STAG1: variants seen among roughly 807,000 people sequenced by gnomAD.
The protein encoded by STAG1 is cohesin subunit SA-1.
STAG1 carries 26 observed loss-of-function variants against 170.9 expected under a neutral mutation model. That is an observed-to-expected ratio of 0.15 (90% CI 0.11 to 0.21). The LOEUF is 0.21. Among genes scored for constraint, STAG1 ranks in the 10% least tolerant of loss-of-function variants. The probability of loss-of-function intolerance (pLI) is 1.00; values close to 1 mark genes in which losing one functional copy is unlikely to be tolerated. For missense variants in STAG1, 964 were observed against 1,509.5 expected (o/e 0.64, Z 5.99); for synonymous variants, 514 against 497.7 (o/e 1.03, Z -0.44).
At chr3:136,555,657 C>A (rs1046466092) in intron 5 of STAG1, among the ~76,000 whole-genome samples, 2 of 151,932 alleles carry the variant, frequency 1.3e-5, no homozygotes, top group Non-Finnish European at 2.9e-5. Flanking sequence ...GTACTCCAGC[C>A]TGGGCTACAG....
At chr3:136,340,685 T>C (rs568428464) in intron 31 of STAG1, 80 bp from the exon 32 acceptor site, 55 of 883,738 alleles carry the variant, frequency 6.2e-5, no homozygotes, top group East Asian at 3.2e-4. Context: ...ATTAAAGTTA[T>C]TCTAACCAAG....
intron 1 of STAG1, among the ~76,000 whole-genome samples, chr3:136,686,847 T>C (rs150442468): frequency 5.2e-4 from 79 of 152,306 alleles, no homozygotes; most frequent in African/African-American, 1.9e-3. Context: ...CTTAAGTAAT[T>C]CAGAGCAATC....
chr3:136,405,528 C>T (rs1576433796), intron 21 of STAG1, among the ~76,000 whole-genome samples: 1 of 151,520 alleles, frequency 6.6e-6, no homozygotes, highest in East Asian at 1.9e-4. Flanking sequence ...AGACATAGGA[C>T]ACCGCGTCCA....
intron 22 of STAG1, among the ~76,000 whole-genome samples, chr3:136,381,781 TCAGAA>T (rs1404515914): frequency 1.3e-5 from 2 of 152,166 alleles, no homozygotes; most frequent in African/African-American, 4.8e-5. Flanking sequence ...CTATATGATC[TCAGAA>T]AAATTATTTT....
intron 1 of STAG1, among the ~76,000 whole-genome samples, chr3:136,724,252 T>C (rs1423733641): frequency 6.6e-6 from 1 of 152,164 alleles, no homozygotes; most frequent in Non-Finnish European, 1.5e-5. Context: ...CATTTTGTTC[T>C]GTACTAAGAA....
chr3:136,473,738 C>A (rs112977277), intron 10 of STAG1, 101 bp from the exon 11 acceptor site: 1 of 797,290 alleles, frequency 1.3e-6, no homozygotes, highest in Non-Finnish European at 2.1e-6. Flanking sequence ...ATTTGACTTA[C>A]TGCATATTGT....
intron 1 of STAG1, among the ~76,000 whole-genome samples, chr3:136,721,648 A>AGGAGGC (rs1291042378): frequency 2.0e-5 from 3 of 151,842 alleles, no homozygotes; most frequent in Admixed American, 2.0e-4. Context: ...CCAGCACTTC[A>AGGAGGC]GGAGGCTGAG....
At chr3:136,694,702 T>C (rs1942827731) in intron 1 of STAG1, among the ~76,000 whole-genome samples, 1 of 151,588 alleles carries the variant, frequency 6.6e-6, no homozygotes. Flanking sequence ...GGGACCTCAA[T>C]AACCTACGAA....
intron 4 of STAG1, among the ~76,000 whole-genome samples, chr3:136,581,687 A>G (rs1388399396): frequency 1.3e-5 from 2 of 152,186 alleles, no homozygotes; most frequent in Non-Finnish European, 2.9e-5. Context: ...ATGAAAAATT[A>G]TATGGGCATC....
At chr3:136,463,761 G>GTGTGTGTGTC in intron 13 of STAG1, among the ~76,000 whole-genome samples, 1 of 85,408 alleles carries the variant, frequency 1.2e-5, no homozygotes, top group East Asian at 3.5e-4. Flanking sequence ...GTGTGTGTGT[G>GTGTGTGTGTC]TGTGTGTATA....
At position 136,574,343 on chromosome 3, in the gene STAG1, TACAC is replaced by T. The variant is rs144809759; in HGVS notation, c.298-5486_298-5483del. Among the ~76,000 whole-genome samples, 1,096 of 148,936 alleles carry T rather than the reference TACAC, an allele frequency of 7.4e-3. 15 individuals carry two copies. The highest frequency in any genetic ancestry group is 0.023 in the African/African-American group (934 of 40,844). On this transcript the variant is annotated intron_variant, in intron 4 of 33. Transcript: ENST00000383202. Reference sequence around the variant, plus strand: ...GGATATATATGTATGTGTGTGTGTATACACACACACACACACACACACGCACATC... The same window carrying T: ...GGATATATATGTATGTGTGTGTGTATACACACACACACACACACGCACATC...
intron 1 of STAG1, among the ~76,000 whole-genome samples, chr3:136,731,548 G>C (rs1559978331): frequency 6.6e-6 from 1 of 152,202 alleles, no homozygotes; most frequent in Non-Finnish European, 1.5e-5. Context: ...ATCAACCCTG[G>C]ATGGGAGAAA....
At chr3:136,705,572 G>A (rs1462009270) in intron 1 of STAG1, among the ~76,000 whole-genome samples, 1 of 152,142 alleles carries the variant, frequency 6.6e-6, no homozygotes, top group African/African-American at 2.4e-5. Flanking sequence ...AATCATGGGG[G>A]TGGGTCTTTC....
At chr3:136,444,457 G>A (rs2088719032) in intron 14 of STAG1, among the ~76,000 whole-genome samples, 2 of 152,166 alleles carry the variant, frequency 1.3e-5, no homozygotes, top group South Asian at 4.1e-4. Flanking sequence ...CTACTTACAA[G>A]TAACTTCTCC....
At chr3:136,544,639 C>T (rs1936071674) in intron 5 of STAG1, among the ~76,000 whole-genome samples, 1 of 151,848 alleles carries the variant, frequency 6.6e-6, no homozygotes, top group South Asian at 2.1e-4. Context: ...GTGGCACATG[C>T]CTGTAATCTC....
intron 22 of STAG1, among the ~76,000 whole-genome samples, chr3:136,390,450 A>G (rs111691597): frequency 2.0e-4 from 31 of 152,224 alleles, no homozygotes; most frequent in African/African-American, 7.2e-4. Context: ...TTTCTTCTCT[A>G]ACTTTTCTAG....
chr3:136,723,777 G>T (rs1370772214), intron 1 of STAG1, among the ~76,000 whole-genome samples: 1 of 144,972 alleles, frequency 6.9e-6, no homozygotes, highest in African/African-American at 2.5e-5. Flanking sequence ...CGTCCGGGAA[G>T]GAGGTGGGGG....
chr3:136,618,358 T>C (rs545936288), intron 3 of STAG1, among the ~76,000 whole-genome samples: 5 of 152,350 alleles, frequency 3.3e-5, no homozygotes, highest in Non-Finnish European at 7.3e-5. Context: ...TTCCCCTCCC[T>C]TGTCCAAGTG....
chr3:136,522,972 T>C (rs1054604871), intron 6 of STAG1, among the ~76,000 whole-genome samples: 1 of 152,208 alleles, frequency 6.6e-6, no homozygotes, highest in Non-Finnish European at 1.5e-5. Flanking sequence ...CTATCATTGA[T>C]GGACATGTGG....
Sources: gnomAD v4.1 joint callset for allele counts (sites outside exome capture counted in the v4.1 genomes callset) on GRCh38, gnomAD v4.1.1 for gene constraint, MANE v1.5 for transcripts, NCBI Gene and HGNC (gene_info 2026-07-23, HGNC 2026-07-21) for gene names.